Variants in USP33 observed in about 807,000 individuals in gnomAD.
USP33 encodes ubiquitin specific peptidase 33.
A neutral mutation model predicts 124.2 loss-of-function variants in USP33; 46 were observed. The ratio of observed to expected loss-of-function variants is 0.37; its 90% confidence interval spans 0.29 to 0.47. The LOEUF (loss-of-function observed/expected upper bound fraction) is 0.47. Among genes scored for constraint, USP33 ranks in the 20% least tolerant of loss-of-function variants. The probability of loss-of-function intolerance (pLI) is 0.99; values close to 1 mark genes in which losing one functional copy is unlikely to be tolerated. For synonymous variants in USP33, 350 were observed against 352.3 expected (o/e 0.99, Z 0.07); for missense variants, 851 against 1,070.6 (o/e 0.79, Z 2.86).
intron 5 of USP33, among the ~76,000 whole-genome samples, chr1:77,738,602 T>A (rs892781790): frequency 2.0e-5 from 3 of 151,996 alleles, no homozygotes; most frequent in African/African-American, 7.2e-5. Flanking sequence ...TGCCTCAGCC[T>A]CCAAAGTAGC....
chr1:77,710,240 T>C (rs937586648), intron 21 of USP33, among the ~76,000 whole-genome samples: 2 of 152,184 alleles, frequency 1.3e-5, no homozygotes, highest in African/African-American at 4.8e-5. Flanking sequence ...TTACCCTCTG[T>C]GGTTATAAAC....
intron 18 of USP33, 56 bp downstream of exon 18, chr1:77,715,686 C>T: frequency 6.3e-7 from 1 of 1,582,652 alleles, no homozygotes; most frequent in Non-Finnish European, 8.6e-7. Flanking sequence ...TTAGAAGTCA[C>T]TGATAAGCCC....
At chr1:77,701,660 A>ATTTTTTATT (rs1439775092) in intron 21 of USP33, 189 bp from the exon 22 acceptor site, 1 of 463,856 alleles carries the variant, frequency 2.2e-6, no homozygotes, top group Admixed American at 4.2e-5. Context: ...AAAAAACATT[A>ATTTTTTATT]TTTTTTATTT....
chr1:77,759,494 C>T (rs577147030), intron 1 of USP33, 149 bp downstream of exon 1: 1 of 396,894 alleles, frequency 2.5e-6, no homozygotes, highest in African/African-American at 2.1e-5. Context: ...TTCTTCCCGC[C>T]CGCGAACCCG....
In USP33 at chr1:77,701,348, A is replaced by AT. The variant is rs777321145; in HGVS notation, c.2509+20dup. The AT allele has an allele frequency of 2.1e-5, 32 of 1,560,558 alleles. No individual in the cohort carries two copies. The East Asian group carries it at 6.5e-4, about 32-fold the overall frequency. On this transcript the variant is annotated intron_variant, in intron 22 of 23. Coordinates refer to ENST00000370794, the MANE Select transcript of USP33 (RefSeq NM_201624.3). ...AAAACAAATAATTTACCAAAAAAAA[A>AT]TTTTTCAGTCAACCACTTACCTCCA...
intron 12 of USP33, 94 bp from the exon 13 acceptor site, chr1:77,722,290 T>A: frequency 1.7e-6 from 2 of 1,197,734 alleles, no homozygotes; most frequent in Non-Finnish European, 2.2e-6. Context: ...AAAGCATGTT[T>A]AAATAAGCAA....
chr1:77,744,958 A>G (rs532318822), intron 1 of USP33, among the ~76,000 whole-genome samples: 109 of 152,360 alleles, frequency 7.2e-4, no homozygotes, highest in African/African-American at 2.5e-3. Context: ...TGCAGAGCTG[A>G]GTTCAATTCC....
At chr1:77,706,880 G>T (rs1053869748) in intron 21 of USP33, among the ~76,000 whole-genome samples, 4 of 152,138 alleles carry the variant, frequency 2.6e-5, no homozygotes, top group Non-Finnish European at 5.9e-5. Context: ...CACAAGTTTT[G>T]CTTCCCATAC....
chr1:77,696,494 G>A lies in USP33; in HGVS notation c.*823C>T, dbSNP rs1251087605. 1 of 152,542 alleles carries A rather than the reference G, an allele frequency of 6.6e-6. No individual in the cohort carries two copies. The highest frequency in any genetic ancestry group is 6.5e-5 in the Admixed American group (1 of 15,276). The allele number at this position is 152,542 out of a possible 1,614,324, so 9.4% of individuals were successfully genotyped here. A position where few individuals can be genotyped will look rare whatever the true frequency, so the allele number is the denominator to read the frequency against. On this transcript the variant is annotated 3_prime_UTR_variant, in exon 24 of 24. Coordinates refer to ENST00000370794, the MANE Select transcript of USP33 (RefSeq NM_201624.3). Reference sequence around the variant, plus strand: ...TAATAAGCTAGTTAGTGTATATGCTGCAGTGCAAAAAAAGTGACACCCTAG... The same window carrying A: ...TAATAAGCTAGTTAGTGTATATGCTACAGTGCAAAAAAAGTGACACCCTAG...
chr1:77,706,802 T>C (rs1674683793), intron 21 of USP33, among the ~76,000 whole-genome samples: 1 of 152,300 alleles, frequency 6.6e-6, no homozygotes. Context: ...ATAACTGGAA[T>C]ACATAAACCT....
intron 11 of USP33, among the ~76,000 whole-genome samples, chr1:77,723,954 G>A (rs541542080): frequency 1.4e-3 from 211 of 151,696 alleles, no homozygotes; most frequent in African/African-American, 4.8e-3. Context: ...GTGAGCCACC[G>A]CACCCAGCCT....
Position 77,720,165 on chromosome 1 carries a change from G to GAAAAAAA in USP33, c.1691+1000_1691+1006dup, listed in dbSNP as rs745681259. Among the ~76,000 whole-genome samples, 25 of 42,748 alleles carry GAAAAAAA rather than the reference G, an allele frequency of 5.8e-4. 2 individuals are homozygous for GAAAAAAA. The highest frequency in any genetic ancestry group is 1.1e-3 in the African/African-American group (14 of 13,082). The allele number at this position is 42,748 out of a possible 152,430, so 28.0% of individuals were successfully genotyped here. On this transcript the variant is annotated intron_variant, in intron 15 of 23. Transcript: ENST00000370794. ...GACAGAATGAGACTATGTCTCAAAT[G>GAAAAAAA]AAAAAAAAAAAAAAAAAAAAAAAAA...
intron 1 of USP33, among the ~76,000 whole-genome samples, chr1:77,749,278 G>A (rs1000812931): frequency 6.6e-6 from 1 of 151,894 alleles, no homozygotes; most frequent in African/African-American, 2.4e-5. Context: ...ACCAGATTTG[G>A]GATTTATTTA....
At chr1:77,738,960 T>G (rs1678806861) in intron 5 of USP33, among the ~76,000 whole-genome samples, 1 of 152,056 alleles carries the variant, frequency 6.6e-6, no homozygotes, top group African/African-American at 2.4e-5. Context: ...CCACCTTTCT[T>G]GAAATCAGAC....
rs1346473511 is a variant in USP33 at position 77,711,819 on chromosome 1, A to G, written c.2334T>C (p.Ile778=). Reference sequence around the variant, plus strand: ...CCGCCTCAATTTGGCAAGTATGACAAATGTACAGATGGTTGACAGCTGGTC... The same window carrying G: ...CCGCCTCAATTTGGCAAGTATGACAGATGTACAGATGGTTGACAGCTGGTC... ...GGGPAVNHLY[I]CHTCQIEAEK... The change falls in exon 21 of 24, where the codon ATT becomes ATC. Residue 778 remains isoleucine, a synonymous_variant. Transcript: ENST00000370794. The G allele has an allele frequency of 6.2e-7, 1 of 1,609,830 alleles. No individual in the cohort carries two copies. Among genetic ancestry groups the G allele is most frequent in the Non-Finnish European group, 8.5e-7 (1 of 1,178,950 alleles).
rs1678852756 is a variant in USP33 at position 77,739,338 on chromosome 1, T to C, written c.278A>G (p.Asp93Gly). The C allele has an allele frequency of 1.9e-6, 3 of 1,613,862 alleles. No homozygotes were observed. The highest frequency in any genetic ancestry group is 2.2e-5 in the East Asian group (1 of 44,836). The change falls in exon 5 of 24, where the codon GAT (aspartate) becomes GGT (glycine). Residue 93 changes from aspartate to glycine, a missense_variant. By Grantham distance (94) the Asp-to-Gly change is moderately conservative (BLOSUM62 -1). Coordinates refer to ENST00000370794, the MANE Select transcript of USP33 (RefSeq NM_201624.3). Reference sequence around the variant, plus strand: ...TGAAGGCTGAGTTCCTAATTTCCTATCCAAAAATACTTCTTTGCTGCAAGC... The same window carrying C: ...TGAAGGCTGAGTTCCTAATTTCCTACCCAAAAATACTTCTTTGCTGCAAGC... The part of the protein sequence containing the change: ...CYACSKEVFL[D>G]RKLGTQPSLP...
chr1:77,759,542 G>C (rs1371689253), intron 1 of USP33, 101 bp downstream of exon 1: 2 of 397,908 alleles, frequency 5.0e-6, no homozygotes, highest in Non-Finnish European at 4.4e-6. Context: ...CTGCTGCAGC[G>C]GCCGCAACCC....
rs1286104200 is a variant in USP33, at chr1:77,697,479, A to T, written c.2579-5T>A. ...AAATCTGGCCAGAATCTGCTCCTTA[A>T]AATTACGTAGAAGAAATAATGTTTA... On this transcript the variant is annotated splice_region_variant and splice_polypyrimidine_tract_variant and intron_variant, in intron 23 of 23. Transcript: ENST00000370794. 5 of 1,589,326 alleles carry T rather than the reference A, an allele frequency of 3.1e-6. No individual in the cohort carries two copies. The East Asian group carries it at 1.1e-4, about 36-fold the overall frequency.
At chr1:77,715,434 T>C (rs1675767345) in intron 18 of USP33, among the ~76,000 whole-genome samples, 1 of 152,244 alleles carries the variant, frequency 6.6e-6, no homozygotes, top group Non-Finnish European at 1.5e-5. Context: ...CTTGAACTCC[T>C]GACCTCGTGA....
Sources: allele counts gnomAD v4.1 joint callset (sites outside exome capture counted in the v4.1 genomes callset), GRCh38; gene constraint gnomAD v4.1.1; transcripts MANE v1.5; gene names NCBI Gene and HGNC (gene_info 2026-07-23, HGNC 2026-07-21).